Variants in USH2A observed in about 807,000 individuals in gnomAD.
USH2A encodes the protein Usher syndrome 2A (autosomal recessive, mild).
Under a neutral mutation model 538.9 loss-of-function variants are expected in USH2A, and 443 were observed. The ratio of observed to expected loss-of-function variants is 0.82; its 90% CI spans 0.76 to 0.89. The LOEUF (loss-of-function observed/expected upper bound fraction) is 0.89. Among genes scored for constraint, USH2A ranks in the 40% least tolerant of loss-of-function variants. USH2A has a pLI of 0.00. For synonymous variants in USH2A, 2,413 were observed against 2,273.5 expected (o/e 1.06, Z -1.75); for missense variants, 6,633 against 6,324.8 (o/e 1.05, Z -1.65).
chr1:216,304,075 T>A (rs1279374180), intron 9 of USH2A, among the ~76,000 whole-genome samples: 1 of 151,960 alleles, frequency 6.6e-6, no homozygotes, highest in African/African-American at 2.4e-5. Flanking sequence ...TATACTGAAA[T>A]ATTAAAAATA....
At chr1:215,698,655 C>G (rs1658896808) in intron 61 of USH2A, among the ~76,000 whole-genome samples, 1 of 152,180 alleles carries the variant, frequency 6.6e-6, no homozygotes, top group South Asian at 2.1e-4. Flanking sequence ...CCTTTGCCCA[C>G]TTTTTGATGA....
At chr1:216,122,446 A>C (rs1467874468) in intron 21 of USH2A, among the ~76,000 whole-genome samples, 1 of 152,238 alleles carries the variant, frequency 6.6e-6, no homozygotes, top group Admixed American at 6.5e-5. Flanking sequence ...AGGGATGTGC[A>C]TGTAATAGAA....
At chr1:216,258,189 A>G (rs1305045206) in intron 11 of USH2A, among the ~76,000 whole-genome samples, 4 of 152,054 alleles carry the variant, frequency 2.6e-5, no homozygotes, top group Admixed American at 2.6e-4. Context: ...ATGCAGTTAA[A>G]TTACTTGGAA....
At chr1:215,982,246 G>A (rs1462831521) in intron 35 of USH2A, among the ~76,000 whole-genome samples, 1 of 152,168 alleles carries the variant, frequency 6.6e-6, no homozygotes, top group Non-Finnish European at 1.5e-5. Flanking sequence ...CCTGACAGTT[G>A]ATCTGAGAAT....
intron 41 of USH2A, among the ~76,000 whole-genome samples, chr1:215,884,054 A>C (rs1664987081): frequency 6.6e-6 from 1 of 152,092 alleles, no homozygotes; most frequent in African/African-American, 2.4e-5. Flanking sequence ...AACATCACAC[A>C]CTGGGGCCTG....
intron 38 of USH2A, among the ~76,000 whole-genome samples, chr1:215,927,406 T>C (rs1666262509): frequency 6.6e-6 from 1 of 152,152 alleles, no homozygotes; most frequent in Non-Finnish European, 1.5e-5. Flanking sequence ...AAATACTAAA[T>C]TAACACTCCA....
intron 32 of USH2A, among the ~76,000 whole-genome samples, chr1:216,032,279 T>C (rs1182874969): frequency 6.6e-6 from 1 of 152,144 alleles, no homozygotes. Context: ...ACTAATAGCA[T>C]GGGTTGTTGA....
intron 55 of USH2A, among the ~76,000 whole-genome samples, chr1:215,769,973 A>G (rs761510075): frequency 2.1e-4 from 32 of 152,204 alleles, no homozygotes; most frequent in Non-Finnish European, 3.5e-4. Context: ...CATGCTGACC[A>G]GTTTAATGGA....
intron 61 of USH2A, among the ~76,000 whole-genome samples, chr1:215,707,116 C>T (rs1176152157): frequency 1.3e-5 from 2 of 152,104 alleles, no homozygotes; most frequent in Non-Finnish European, 2.9e-5. Context: ...CAAAATTTTT[C>T]ACAAAGGATA....
intron 20 of USH2A, among the ~76,000 whole-genome samples, chr1:216,187,430 C>G (rs1462272971): frequency 6.6e-6 from 1 of 151,870 alleles, no homozygotes; most frequent in Non-Finnish European, 1.5e-5. Flanking sequence ...ATATTGCAAC[C>G]AACAAATGTG....
chr1:215,652,845 G>A (rs1334284570), intron 64 of USH2A, among the ~76,000 whole-genome samples: 1 of 152,174 alleles, frequency 6.6e-6, no homozygotes, highest in African/African-American at 2.4e-5. Context: ...CAGAACTTTG[G>A]TTGGTGATTT....
chr1:215,905,907 G>A (rs1665628764), intron 38 of USH2A, among the ~76,000 whole-genome samples: 2 of 152,000 alleles, frequency 1.3e-5, no homozygotes, highest in South Asian at 4.1e-4. Flanking sequence ...ATGCTGCATC[G>A]CTGAATAGCC....
chr1:216,038,472 C>G (rs575124076), intron 32 of USH2A, among the ~76,000 whole-genome samples: 20 of 143,648 alleles, frequency 1.4e-4, no homozygotes, highest in Admixed American at 7.5e-4. Flanking sequence ...ATGCATTTTC[C>G]ATAAGCTTTT....
intron 44 of USH2A, among the ~76,000 whole-genome samples, chr1:215,847,262 A>G (rs2102824505): frequency 6.6e-6 from 1 of 152,170 alleles, no homozygotes; most frequent in East Asian, 1.9e-4. Flanking sequence ...TATTATTTTC[A>G]GAGACTTTTA....
In USH2A at chr1:215,790,272, A is replaced by G. The variant is rs761169195; in HGVS notation, c.9969T>C (p.Cys3323=). Residue 3323 remains cysteine (C), a synonymous_variant, in exon 51 of 72, where the codon TGT becomes TGC. Coordinates refer to ENST00000307340, the MANE Select transcript of USH2A (RefSeq NM_206933.4). ...ACATATTCACATAATCCTGCCCACAACAGAACATACCTGCAACAATAAAAT... is the reference window on the plus strand; with the variant it reads ...ACATATTCACATAATCCTGCCCACAGCAGAACATACCTGCAACAATAAAAT... ...VVYNRLPGMF[C]CGQDYVNMSD... 5.6e-6 allele frequency: 9 copies of G among 1,613,926 alleles called. No homozygotes were observed. Among genetic ancestry groups the G allele is most frequent in the Non-Finnish European group, 7.6e-6 (9 of 1,179,976 alleles).
chr1:215,838,995 G>A (rs755823119), intron 46 of USH2A, among the ~76,000 whole-genome samples: 1 of 152,084 alleles, frequency 6.6e-6, no homozygotes, highest in Non-Finnish European at 1.5e-5. Context: ...TTCCTTTGGT[G>A]GTTGAGGAAA....
chr1:215,858,766 A>G (rs1478334147), intron 44 of USH2A, among the ~76,000 whole-genome samples: 2 of 151,974 alleles, frequency 1.3e-5, no homozygotes, highest in African/African-American at 2.4e-5. Flanking sequence ...GCTGGAGCAA[A>G]TTCTCAAATA....
At chr1:215,923,132 G>T (rs1000248493) in intron 38 of USH2A, among the ~76,000 whole-genome samples, 1 of 152,100 alleles carries the variant, frequency 6.6e-6, no homozygotes, top group Non-Finnish European at 1.5e-5. Flanking sequence ...TTCTCTAAAT[G>T]CTCTCTACTT....
chr1:215,912,881 C>T (rs61828479), intron 38 of USH2A, among the ~76,000 whole-genome samples: 22,499 of 151,956 alleles, frequency 0.15, 1,764 homozygotes, highest in African/African-American at 0.16. Flanking sequence ...GTAGCTCTCA[C>T]CTTTTGAATG....
Sources: gnomAD v4.1 joint callset for allele counts (sites outside exome capture counted in the v4.1 genomes callset) on GRCh38, gnomAD v4.1.1 for gene constraint, MANE v1.5 for transcripts, NCBI Gene and HGNC (gene_info 2026-07-23, HGNC 2026-07-21) for gene names.